Variants in FYN observed in about 807,000 individuals in gnomAD.
The protein encoded by FYN is FYN proto-oncogene, Src family tyrosine kinase, also known as tyrosine-protein kinase Fyn.
A neutral mutation model predicts 70.2 loss-of-function variants in FYN; 10 were observed. The ratio of observed to expected loss-of-function variants is 0.14; its 90% CI spans 0.09 to 0.24. The LOEUF is 0.24. Ranked by LOEUF, FYN falls within the 10% of genes least tolerant of loss-of-function variation. The pLI is 1.00. For synonymous variants in FYN, 236 were observed against 248.6 expected (o/e 0.95, Z 0.48); for missense variants, 319 against 673.1 (o/e 0.47, Z 5.82).
rs147249876 is a variant in FYN, at chr6:111,833,524, G to C, written c.-82+13065C>G. Among the ~76,000 whole-genome samples the C allele has an allele frequency of 9.1e-3, 1,391 of 152,280 alleles. 14 individuals are homozygous for C. Among genetic ancestry groups the C allele is most frequent in the South Asian group, 0.012 (58 of 4,826 alleles). On this transcript the variant is annotated intron_variant, in intron 2 of 13. Transcript: ENST00000354650. ...AGGGAAAACTGAGTGAAAACAGAGAGAAACGGGTGTTTCCATACCCGTAGA... is the reference window on the plus strand; with the variant it reads ...AGGGAAAACTGAGTGAAAACAGAGACAAACGGGTGTTTCCATACCCGTAGA...
chr6:111,798,872 T>C (rs1771898867), intron 2 of FYN, among the ~76,000 whole-genome samples: 1 of 152,226 alleles, frequency 6.6e-6, no homozygotes, highest in African/African-American at 2.4e-5. Flanking sequence ...AAATTGTATA[T>C]TTACTCTTTA....
intron 12 of FYN, among the ~76,000 whole-genome samples, chr6:111,681,011 G>A (rs1243861692): frequency 6.6e-6 from 1 of 150,514 alleles, no homozygotes; most frequent in Non-Finnish European, 1.5e-5. Flanking sequence ...ACCATGCCTG[G>A]CTAATGTTTA....
intron 3 of FYN, chr6:111,754,616 C>T (rs1802633512): frequency 1.3e-5 from 2 of 152,166 alleles, no homozygotes; most frequent in Admixed American, 6.5e-5. Flanking sequence ...TCACACAGAT[C>T]CTGGTGTACA....
chr6:111,705,806 G>A (rs951678400), intron 6 of FYN, among the ~76,000 whole-genome samples: 5 of 152,110 alleles, frequency 3.3e-5, no homozygotes, highest in African/African-American at 1.2e-4. Flanking sequence ...CTGAGACAGG[G>A]CCACTGCACT....
At chr6:111,793,107 A>G (rs1329584031) in intron 2 of FYN, among the ~76,000 whole-genome samples, 2 of 152,266 alleles carry the variant, frequency 1.3e-5, no homozygotes, top group Admixed American at 6.5e-5. Context: ...ATAAGTATCG[A>G]AAGCAAAAAA....
intron 12 of FYN, among the ~76,000 whole-genome samples, chr6:111,681,975 T>C (rs2128418607): frequency 6.6e-6 from 1 of 152,332 alleles, no homozygotes; most frequent in East Asian, 1.9e-4. Flanking sequence ...CTCCTCTGTG[T>C]CCTTTTACTA....
chr6:111,692,805 A>G (rs979115460), intron 12 of FYN, among the ~76,000 whole-genome samples: 7 of 152,204 alleles, frequency 4.6e-5, no homozygotes, highest in African/African-American at 1.4e-4. Context: ...TCCCTCATTC[A>G]GGGCAAGTCT....
At chr6:111,720,717 G>A (rs569420607) in intron 3 of FYN, among the ~76,000 whole-genome samples, 1 of 152,266 alleles carries the variant, frequency 6.6e-6, no homozygotes, top group South Asian at 2.1e-4. Flanking sequence ...ATAGTCTACA[G>A]TAATGAAATC....
intron 9 of FYN, chr6:111,699,433 G>T: frequency 6.9e-7 from 1 of 1,442,946 alleles, no homozygotes; most frequent in Non-Finnish European, 9.5e-7. Flanking sequence ...TGTCCCAACG[G>T]CTGTGTGTGC....
chr6:111,697,802 T>C (rs576216552), intron 9 of FYN, among the ~76,000 whole-genome samples: 1 of 152,234 alleles, frequency 6.6e-6, no homozygotes, highest in African/African-American at 2.4e-5. Context: ...GTATATGTAA[T>C]GATTTAAAGT....
At chr6:111,802,710 T>A (rs1050512300) in intron 2 of FYN, among the ~76,000 whole-genome samples, 7 of 151,830 alleles carry the variant, frequency 4.6e-5, no homozygotes, top group Non-Finnish European at 8.8e-5. Context: ...ATTACAGGCA[T>A]GAGCCACCGT....
chr6:111,835,897 T>C (rs989357654), intron 2 of FYN, among the ~76,000 whole-genome samples: 3 of 152,186 alleles, frequency 2.0e-5, no homozygotes, highest in African/African-American at 7.2e-5. Flanking sequence ...AACCTCATCA[T>C]ATCCCACAGG....
intron 3 of FYN, among the ~76,000 whole-genome samples, chr6:111,753,162 C>T (rs773080578): frequency 3.3e-5 from 5 of 152,212 alleles, no homozygotes; most frequent in East Asian, 1.9e-4. Flanking sequence ...GGTAAACCTA[C>T]TAAAGTGTTT....
intron 1 of FYN, among the ~76,000 whole-genome samples, chr6:111,867,888 C>A (rs1222243373): frequency 6.6e-6 from 1 of 152,182 alleles, no homozygotes; most frequent in Non-Finnish European, 1.5e-5. Context: ...GGATAAAGTA[C>A]GTACAAGAAT....
intron 1 of FYN, among the ~76,000 whole-genome samples, chr6:111,850,884 T>C (rs1385214730): frequency 6.6e-6 from 1 of 152,240 alleles, no homozygotes; most frequent in Non-Finnish European, 1.5e-5. Flanking sequence ...GGCCCTCTGT[T>C]GTGGAGCATT....
intron 3 of FYN, among the ~76,000 whole-genome samples, chr6:111,747,581 T>G (rs1802284725): frequency 6.6e-6 from 1 of 152,258 alleles, no homozygotes; most frequent in Middle Eastern, 3.2e-3. Context: ...CATTATACAC[T>G]GCCTGTCCTC....
intron 2 of FYN, among the ~76,000 whole-genome samples, chr6:111,781,583 T>C (rs1771174227): frequency 6.6e-6 from 1 of 152,186 alleles, no homozygotes; most frequent in African/African-American, 2.4e-5. Flanking sequence ...CTTTTCGACA[T>C]TATCCTATCA....
chr6:111,810,829 T>C (rs7757969), intron 2 of FYN, among the ~76,000 whole-genome samples: 47,535 of 152,132 alleles, frequency 0.31, 12,176 homozygotes, highest in African/African-American at 0.71. Flanking sequence ...CCTTCTGAAC[T>C]CTTCCTTACA....
intron 2 of FYN, among the ~76,000 whole-genome samples, chr6:111,805,263 T>C (rs1397523276): frequency 6.6e-6 from 1 of 152,200 alleles, no homozygotes; most frequent in Non-Finnish European, 1.5e-5. Context: ...GGGACAGACA[T>C]CTTTCTCACG....
Sources: allele counts gnomAD v4.1 joint callset (sites outside exome capture counted in the v4.1 genomes callset), GRCh38; gene constraint gnomAD v4.1.1; transcripts MANE v1.5; gene names NCBI Gene and HGNC (gene_info 2026-07-23, HGNC 2026-07-21).